ABCC1: variants seen among roughly 807,000 people sequenced by gnomAD.
ABCC1 encodes the protein ATP binding cassette subfamily C member 1 (ABCC1 blood group), also known as multidrug resistance-associated protein 1.
A neutral mutation model predicts 172.9 loss-of-function variants in ABCC1; 83 were observed. The ratio of observed to expected loss-of-function variants is 0.48; its 90% CI spans 0.40 to 0.58. The LOEUF is 0.58. Among genes scored for constraint, ABCC1 ranks in the 20% least tolerant of loss-of-function variants. The pLI, the probability that ABCC1 is intolerant of heterozygous loss-of-function variation, is 0.00. For missense variants in ABCC1, 1,817 were observed against 2,002.7 expected (o/e 0.91, Z 1.77); for synonymous variants, 937 against 825.2 (o/e 1.14, Z -2.32).
At chr16:15,961,051 G>A (rs2046118822) in intron 1 of ABCC1, among the ~76,000 whole-genome samples, 2 of 140,468 alleles carry the variant, frequency 1.4e-5, no homozygotes, top group Admixed American at 7.6e-5. Context: ...TTGCTATGCT[G>A]CTCAGGCTGG....
At chr16:15,985,101 T>C (rs866229013) in intron 1 of ABCC1, among the ~76,000 whole-genome samples, 1 of 152,170 alleles carries the variant, frequency 6.6e-6, no homozygotes, top group Non-Finnish European at 1.5e-5. Context: ...AGACTCTGTC[T>C]TAAAGCAAAA....
At chr16:16,122,280 C>T in intron 24 of ABCC1, 106 bp downstream of exon 24, 1 of 1,256,968 alleles carries the variant, frequency 8.0e-7, no homozygotes, top group Non-Finnish European at 1.1e-6. Context: ...AAAGCCAAAC[C>T]CCGGCCTTGC....
intron 12 of ABCC1, 60 bp from the exon 13 acceptor site, chr16:16,068,096 T>C (rs1464992147): frequency 1.2e-6 from 2 of 1,604,846 alleles, no homozygotes; most frequent in African/African-American, 1.3e-5. Flanking sequence ...CTGTCACTGC[T>C]CCTAGGATGA....
intron 7 of ABCC1, among the ~76,000 whole-genome samples, chr16:16,040,827 G>GTGGA (rs1423765136): frequency 6.6e-6 from 1 of 152,068 alleles, no homozygotes; most frequent in Non-Finnish European, 1.5e-5. Context: ...CCTGGGGAAG[G>GTGGA]TGGATATTTA....
At chr16:16,060,501 C>T (rs185709530) in intron 12 of ABCC1, among the ~76,000 whole-genome samples, 14 of 152,108 alleles carry the variant, frequency 9.2e-5, no homozygotes, top group Middle Eastern at 3.4e-3. Context: ...TTGACTTTAC[C>T]GGGGTGCGTT....
intron 1 of ABCC1, among the ~76,000 whole-genome samples, chr16:16,005,828 A>G (rs1325264820): frequency 6.6e-6 from 1 of 152,002 alleles, no homozygotes; most frequent in Non-Finnish European, 1.5e-5. Flanking sequence ...AAGCGGGGTG[A>G]CCGCAGTCCC....
intron 7 of ABCC1, among the ~76,000 whole-genome samples, chr16:16,043,249 G>A (rs977865326): frequency 1.1e-5 from 1 of 93,456 alleles, no homozygotes; most frequent in Non-Finnish European, 2.0e-5. Context: ...TTTTTCCACT[G>A]ATGTATATAT....
intron 1 of ABCC1, among the ~76,000 whole-genome samples, chr16:15,970,005 G>C (rs1203948595): frequency 6.6e-6 from 1 of 152,208 alleles, no homozygotes; most frequent in African/African-American, 2.4e-5. Flanking sequence ...AAGGGGAGCT[G>C]CGTGGTGCCC....
intron 4 of ABCC1, among the ~76,000 whole-genome samples, chr16:16,014,923 C>T (rs759830593): frequency 2.0e-5 from 3 of 152,166 alleles, no homozygotes; most frequent in Admixed American, 6.6e-5. Context: ...CTGGCCCCAT[C>T]AGCAGGAAAC....
chr16:15,962,089 C>T (rs1399426938), intron 1 of ABCC1, among the ~76,000 whole-genome samples: 1 of 152,184 alleles, frequency 6.6e-6, no homozygotes, highest in Non-Finnish European at 1.5e-5. Flanking sequence ...TGTTGTTTTC[C>T]TGCCATATCA....
Position 16,049,427 on chromosome 16 carries a change from C to T in ABCC1, c.1380+1124C>T, listed in dbSNP as rs115057626. ...CCTTCCATGTGGAGAGGGAGAGTTC[C>T]CAAAATAAAATGATAAGCAAAGAGG... On this transcript the variant is annotated intron_variant, in intron 10 of 30. Coordinates refer to ENST00000399410, the MANE Select transcript of ABCC1 (RefSeq NM_004996.4). 3.0e-3 allele frequency among the ~76,000 whole-genome samples: 452 copies of T among 152,222 alleles called. 3 individuals are homozygous for T. The highest frequency in any genetic ancestry group is 0.01 in the African/African-American group (426 of 41,512).
rs546312049 is a variant in ABCC1 at position 15,971,352 on chromosome 16, A to G, written c.48+21553A>G. ...GCTAGGAACATGTGGGGAAAGGGCA[A>G]GAAGGCTGTGGGAATCGCCATGTTT... On this transcript the variant is annotated intron_variant, in intron 1 of 30. Transcript: ENST00000399410. Among the ~76,000 whole-genome samples, 3 of 152,310 alleles carry G rather than the reference A, an allele frequency of 2.0e-5. No individual in the cohort carries two copies. In the East Asian group the frequency reaches 5.8e-4, roughly 29 times the overall value.
At chr16:16,001,373 C>T (rs1489454389) in intron 1 of ABCC1, among the ~76,000 whole-genome samples, 3 of 152,016 alleles carry the variant, frequency 2.0e-5, no homozygotes, top group Admixed American at 6.6e-5. Context: ...CCACCACGCC[C>T]GGCTAATTTT....
intron 12 of ABCC1, among the ~76,000 whole-genome samples, chr16:16,062,231 C>T (rs927105510): frequency 6.6e-6 from 1 of 152,230 alleles, no homozygotes; most frequent in African/African-American, 2.4e-5. Flanking sequence ...TGGCAAAACC[C>T]ACAGTTTCCA....
At chr16:16,020,752 A>G (rs2048167651) in intron 5 of ABCC1, among the ~76,000 whole-genome samples, 1 of 152,196 alleles carries the variant, frequency 6.6e-6, no homozygotes, top group African/African-American at 2.4e-5. Context: ...ACGGGAATCG[A>G]CATTTATTAG....
intron 20 of ABCC1, among the ~76,000 whole-genome samples, chr16:16,106,295 T>C (rs1406995791): frequency 1.3e-5 from 2 of 151,990 alleles, no homozygotes; most frequent in Non-Finnish European, 2.9e-5. Context: ...TTGCCCTATG[T>C]TTTTCATCAT....
intron 1 of ABCC1, among the ~76,000 whole-genome samples, chr16:16,007,357 G>A (rs1417041925): frequency 6.6e-6 from 1 of 152,020 alleles, no homozygotes; most frequent in African/African-American, 2.4e-5. Context: ...CCGCCTGAGT[G>A]GCTGGGAATA....
At chr16:16,099,043 C>A in intron 19 of ABCC1, 1 of 709,018 alleles carries the variant, frequency 1.4e-6, no homozygotes, top group Non-Finnish European at 2.3e-6. Context: ...TCATTTAGCA[C>A]ACATTTACTG....
intron 16 of ABCC1, 55 bp from the exon 17 acceptor site, chr16:16,083,311 G>C (rs1300606203): frequency 8.9e-6 from 14 of 1,564,578 alleles, no homozygotes; most frequent in Non-Finnish European, 1.1e-5. Context: ...CTGTTGTCTC[G>C]TTGATCAGAT....
Sources: allele counts gnomAD v4.1 joint callset (sites outside exome capture counted in the v4.1 genomes callset), GRCh38; gene constraint gnomAD v4.1.1; transcripts MANE v1.5; gene names NCBI Gene and HGNC (gene_info 2026-07-23, HGNC 2026-07-21).